The following LHFPL3 variants were observed in gnomAD, a reference collection of about 807,000 sequenced individuals.
LHFPL3 encodes LHFPL tetraspan subfamily member 3 protein.
A neutral mutation model predicts 19.3 loss-of-function variants in LHFPL3; 5 were observed. The ratio of observed to expected loss-of-function variants is 0.26; its 90% CI spans 0.14 to 0.54. The LOEUF (loss-of-function observed/expected upper bound fraction) is 0.54. Among genes scored for constraint, LHFPL3 ranks in the 20% least tolerant of loss-of-function variants. The pLI is 0.94. For synonymous variants in LHFPL3, 133 were observed against 126.2 expected (o/e 1.05, Z -0.36); for missense variants, 249 against 307.4 (o/e 0.81, Z 1.42).
intron 1 of LHFPL3, among the ~76,000 whole-genome samples, chr7:104,561,235 C>G (rs544153576): frequency 1.3e-5 from 2 of 149,020 alleles, no homozygotes; most frequent in African/African-American, 5.2e-5. Context: ...CCTGGGTATC[C>G]TTGTTGACTT....
intron 1 of LHFPL3, among the ~76,000 whole-genome samples, chr7:104,341,677 G>C (rs556973317): frequency 1.3e-5 from 2 of 152,160 alleles, no homozygotes; most frequent in Non-Finnish European, 2.9e-5. Flanking sequence ...GCAGGATAGG[G>C]AAATGGGTCA....
At chr7:104,885,614 C>T (rs1295164546) in intron 2 of LHFPL3, among the ~76,000 whole-genome samples, 2 of 152,126 alleles carry the variant, frequency 1.3e-5, no homozygotes, top group Non-Finnish European at 2.9e-5. Flanking sequence ...TCCCACCTCA[C>T]CACTTCAACC....
chr7:104,822,859 G>A (rs1367069193), intron 2 of LHFPL3, among the ~76,000 whole-genome samples: 1 of 152,092 alleles, frequency 6.6e-6, no homozygotes, highest in Non-Finnish European at 1.5e-5. Context: ...GGGGGCAGTG[G>A]GCTGGTACCA....
intron 1 of LHFPL3, among the ~76,000 whole-genome samples, chr7:104,652,223 A>G (rs1792045616): frequency 6.6e-6 from 1 of 152,134 alleles, no homozygotes; most frequent in Non-Finnish European, 1.5e-5. Flanking sequence ...GGCAGTGGGC[A>G]GTGTTAATTG....
intron 1 of LHFPL3, among the ~76,000 whole-genome samples, chr7:104,449,757 G>A (rs758460263): frequency 2.0e-5 from 3 of 152,138 alleles, no homozygotes; most frequent in Non-Finnish European, 4.4e-5. Context: ...ACTCCAGGGT[G>A]CTTTTCTATC....
chr7:104,735,372 G>A (rs941181891), intron 1 of LHFPL3, among the ~76,000 whole-genome samples: 11 of 152,328 alleles, frequency 7.2e-5, no homozygotes, highest in Admixed American at 5.2e-4. Flanking sequence ...CACCCAGTTC[G>A]AGCTTCCCAG....
At chr7:104,465,851 G>A (rs953944235) in intron 1 of LHFPL3, among the ~76,000 whole-genome samples, 1 of 152,192 alleles carries the variant, frequency 6.6e-6, no homozygotes, top group African/African-American at 2.4e-5. Context: ...TCAGGAGCAT[G>A]TTGTTTGATT....
intron 1 of LHFPL3, among the ~76,000 whole-genome samples, chr7:104,536,800 A>G (rs1444075965): frequency 3.9e-5 from 6 of 152,198 alleles, no homozygotes; most frequent in Non-Finnish European, 8.8e-5. Context: ...CTTTTTACAC[A>G]GAAGCTCTTC....
At chr7:104,733,612 G>A (rs1793745707) in intron 1 of LHFPL3, among the ~76,000 whole-genome samples, 2 of 152,114 alleles carry the variant, frequency 1.3e-5, no homozygotes, top group Admixed American at 1.3e-4. Flanking sequence ...GAGCCTATGT[G>A]TGTCTCTGCA....
At chr7:104,619,197 C>T (rs1791400488) in intron 1 of LHFPL3, among the ~76,000 whole-genome samples, 1 of 152,122 alleles carries the variant, frequency 6.6e-6, no homozygotes, top group South Asian at 2.1e-4. Context: ...TATTATTGTT[C>T]TACAGTTGCA....
intron 1 of LHFPL3, among the ~76,000 whole-genome samples, chr7:104,701,307 G>T (rs1403269841): frequency 2.6e-5 from 4 of 151,946 alleles, no homozygotes; most frequent in Admixed American, 2.6e-4. Context: ...GGGATTAAGG[G>T]CACCAACCGC....
intron 2 of LHFPL3, among the ~76,000 whole-genome samples, chr7:104,772,990 G>A (rs990139711): frequency 2.0e-5 from 3 of 152,274 alleles, no homozygotes; most frequent in African/African-American, 4.8e-5. Flanking sequence ...AAGAGAAGCT[G>A]AGGCAGGTTT....
At position 104,535,948 on chromosome 7, in the gene LHFPL3, G is replaced by A. The variant is rs540452991; in HGVS notation, c.446-200727G>A. 7.2e-5 allele frequency among the ~76,000 whole-genome samples: 11 copies of A among 152,316 alleles called. No homozygotes were observed. In the East Asian group the frequency reaches 7.7e-4, roughly 11 times the overall value. On this transcript the variant is annotated intron_variant, in intron 1 of 2. Transcript: ENST00000424859. ...CTCAACGACCTTTGGGACCACCTGT[G>A]TGTGCTCATTGGCACAGTCAGTACA...
chr7:104,813,383 C>T (rs1790511073), intron 2 of LHFPL3, among the ~76,000 whole-genome samples: 1 of 152,108 alleles, frequency 6.6e-6, no homozygotes, highest in Non-Finnish European at 1.5e-5. Context: ...AAAAGAAAGC[C>T]AGGGAAGTGA....
At chr7:104,730,777 T>C (rs1392438658) in intron 1 of LHFPL3, among the ~76,000 whole-genome samples, 1 of 152,356 alleles carries the variant, frequency 6.6e-6, no homozygotes, top group Non-Finnish European at 1.5e-5. Context: ...ATTTTGGCTT[T>C]TGTTGCCATT....
At chr7:104,641,815 A>T (rs1455953711) in intron 1 of LHFPL3, among the ~76,000 whole-genome samples, 1 of 152,162 alleles carries the variant, frequency 6.6e-6, no homozygotes, top group Non-Finnish European at 1.5e-5. Context: ...ACTTCATTTT[A>T]TTATTTATAG....
chr7:104,745,352 A>G (rs10258825), intron 2 of LHFPL3, among the ~76,000 whole-genome samples: 47,648 of 152,154 alleles, frequency 0.31, 8,055 homozygotes, highest in East Asian at 0.67. Flanking sequence ...AGAGATTTGC[A>G]CACTGTGAAG....
intron 1 of LHFPL3, among the ~76,000 whole-genome samples, chr7:104,497,858 A>G (rs1584360780): frequency 6.6e-6 from 1 of 152,170 alleles, no homozygotes; most frequent in Non-Finnish European, 1.5e-5. Flanking sequence ...TTGTAATCAC[A>G]GAGCCCTGAC....
intron 1 of LHFPL3, among the ~76,000 whole-genome samples, chr7:104,592,379 T>C (rs1347102871): frequency 6.6e-6 from 1 of 151,010 alleles, no homozygotes; most frequent in Admixed American, 6.6e-5. Flanking sequence ...TGGAGTTTGC[T>C]GGACGTCCAC....
Sources: gnomAD v4.1 joint callset for allele counts (sites outside exome capture counted in the v4.1 genomes callset) on GRCh38, gnomAD v4.1.1 for gene constraint, MANE v1.5 for transcripts, NCBI Gene and HGNC (gene_info 2026-07-23, HGNC 2026-07-21) for gene names.